Variants in DCAF6 observed in about 807,000 individuals in gnomAD.
The protein encoded by DCAF6 is DDB1- and CUL4-associated factor 6.
DCAF6 carries 54 observed loss-of-function variants against 125.1 expected under a neutral mutation model. The observed-to-expected ratio is 0.43, with a 90% CI of 0.35 to 0.54. The LOEUF (loss-of-function observed/expected upper bound fraction) is 0.54. Among genes scored for constraint, DCAF6 ranks in the 20% least tolerant of loss-of-function variants. The pLI, the probability that DCAF6 is intolerant of heterozygous loss-of-function variation, is 0.01. For missense variants in DCAF6, 934 were observed against 1,161.7 expected (o/e 0.80, Z 2.85); for synonymous variants, 371 against 390.4 (o/e 0.95, Z 0.58).
the DCAF6 span, among the ~76,000 whole-genome samples, chr1:167,873,445 C>T: frequency 2.0e-5 from 3 of 152,278 alleles, no homozygotes; most frequent in Admixed American, 2.0e-4. Flanking sequence ...ACAGAGCCTC[C>T]TCTTAATTGC....
chr1:167,932,607 G>C (rs1026522289), upstream of DCAF6, among the ~76,000 whole-genome samples: 1 of 152,024 alleles, frequency 6.6e-6, no homozygotes, highest in Non-Finnish European at 1.5e-5. Flanking sequence ...TCAGGAGTTT[G>C]AGACCAGCCT....
chr1:167,873,414 A>G, the DCAF6 span, among the ~76,000 whole-genome samples: 56,402 of 152,016 alleles, frequency 0.37, 11,278 homozygotes, highest in African/African-American at 0.52. Flanking sequence ...ATTGTGGCCC[A>G]ATATTTCTCC....
At chr1:167,950,248 A>G (rs1193471322) in intron 1 of DCAF6, among the ~76,000 whole-genome samples, 1 of 152,178 alleles carries the variant, frequency 6.6e-6, no homozygotes, top group Non-Finnish European at 1.5e-5. Flanking sequence ...TTTGTTTCTT[A>G]ACTCGTATAA....
chr1:168,069,119 A>G (rs192460296), intron 21 of DCAF6, among the ~76,000 whole-genome samples: 2 of 152,320 alleles, frequency 1.3e-5, no homozygotes, highest in African/African-American at 2.4e-5. Flanking sequence ...GGCTTATACT[A>G]ATTATTTCAC....
intron 1 of DCAF6, among the ~76,000 whole-genome samples, chr1:167,945,076 C>G (rs1672854297): frequency 6.6e-6 from 1 of 152,232 alleles, no homozygotes; most frequent in South Asian, 2.1e-4. Context: ...TTCCATTGAC[C>G]TGTGTGTCTT....
intron 17 of DCAF6, among the ~76,000 whole-genome samples, chr1:168,057,333 T>G (rs934622082): frequency 6.6e-6 from 1 of 152,200 alleles, no homozygotes; most frequent in African/African-American, 2.4e-5. Context: ...ATAGACTGTT[T>G]CTGCTTCATG....
At chr1:168,037,103 C>A (rs965420224) in intron 12 of DCAF6, among the ~76,000 whole-genome samples, 29 of 148,318 alleles carry the variant, frequency 2.0e-4, no homozygotes, top group South Asian at 6.3e-4. Flanking sequence ...TTCTCCCCCC[C>A]CTTTTTTTTT....
the DCAF6 span, among the ~76,000 whole-genome samples, chr1:167,916,355 C>G: frequency 6.6e-6 from 1 of 152,122 alleles, no homozygotes; most frequent in South Asian, 2.1e-4. Context: ...TACAGGCGTG[C>G]GCCACCACAC....
intron 3 of DCAF6, among the ~76,000 whole-genome samples, chr1:167,970,625 TA>T (rs35366916): frequency 1.6e-4 from 24 of 149,548 alleles, no homozygotes; most frequent in Admixed American, 2.7e-4. Flanking sequence ...GCTGATATCT[TA>T]AAAAAAAAAA....
At chr1:168,032,159 C>G (rs1267344394) in intron 12 of DCAF6, among the ~76,000 whole-genome samples, 2 of 152,208 alleles carry the variant, frequency 1.3e-5, no homozygotes. Context: ...AGAGAATGGA[C>G]TTCCTAATAA....
chr1:167,939,267 CT>C (rs1374233980), intron 1 of DCAF6, among the ~76,000 whole-genome samples: 1 of 151,970 alleles, frequency 6.6e-6, no homozygotes, highest in Admixed American at 6.6e-5. Flanking sequence ...ATGACTTTCC[CT>C]CCCAGTTTTA....
intron 17 of DCAF6, among the ~76,000 whole-genome samples, chr1:168,054,628 A>G (rs1032696756): frequency 6.6e-6 from 1 of 152,112 alleles, no homozygotes; most frequent in Non-Finnish European, 1.5e-5. Flanking sequence ...ACTCTTACTT[A>G]TAGGATTCAA....
chr1:168,050,054 A>G (rs1430067566), intron 16 of DCAF6, among the ~76,000 whole-genome samples: 5 of 123,388 alleles, frequency 4.1e-5, no homozygotes, highest in Non-Finnish European at 6.5e-5. Flanking sequence ...GAGAAAACCT[A>G]AATTACTCTC....
chr1:167,978,949 T>G (rs916888042), intron 4 of DCAF6, among the ~76,000 whole-genome samples: 1 of 152,138 alleles, frequency 6.6e-6, no homozygotes, highest in African/African-American at 2.4e-5. Flanking sequence ...AAATGGTGTC[T>G]TTTGATGAAG....
chr1:167,944,184 A>G (rs1235219479), intron 1 of DCAF6, among the ~76,000 whole-genome samples: 4 of 152,184 alleles, frequency 2.6e-5, no homozygotes, highest in African/African-American at 7.2e-5. Flanking sequence ...TCCATTGTGT[A>G]TATATACCAC....
intron 3 of DCAF6, chr1:167,969,267 C>T (rs1357467531): frequency 1.3e-5 from 2 of 152,092 alleles, no homozygotes; most frequent in Non-Finnish European, 2.9e-5. Context: ...CAGGTTATGA[C>T]TTACTCTTTT....
chr1:167,937,300 G>T, intron 1 of DCAF6: 1 of 437,984 alleles, frequency 2.3e-6, no homozygotes, highest in Non-Finnish European at 4.3e-6. Context: ...TGGGACTCGG[G>T]AGACTTGCGG....
intron 1 of DCAF6, among the ~76,000 whole-genome samples, chr1:167,949,936 A>G (rs1673663263): frequency 6.6e-6 from 1 of 152,216 alleles, no homozygotes; most frequent in African/African-American, 2.4e-5. Flanking sequence ...ACTTTATGAG[A>G]TGTCTGGACG....
intron 18 of DCAF6, among the ~76,000 whole-genome samples, chr1:168,064,598 G>A (rs1333432906): frequency 1.3e-5 from 2 of 151,994 alleles, no homozygotes; most frequent in Non-Finnish European, 2.9e-5. Context: ...ATTTTTAAAA[G>A]GTTACTCATT....
Sources: gnomAD v4.1 joint callset for allele counts (sites outside exome capture counted in the v4.1 genomes callset) on GRCh38, gnomAD v4.1.1 for gene constraint, MANE v1.5 for transcripts, NCBI Gene and HGNC (gene_info 2026-07-23, HGNC 2026-07-21) for gene names.